SLC41A3: variants seen among roughly 807,000 people sequenced by gnomAD.
SLC41A3 encodes solute carrier family 41 member 3, also known as SLC41A1-like 2.
SLC41A3 carries 44 observed loss-of-function variants against 45.4 expected under a neutral mutation model. The ratio of observed to expected loss-of-function variants is 0.97; its 90% CI spans 0.76 to 1.25. The LOEUF (loss-of-function observed/expected upper bound fraction) is 1.25, where lower values mean the gene tolerates loss of function less well. Among genes scored for constraint, SLC41A3 ranks in the 50% most tolerant of loss-of-function variants. The pLI, the probability that SLC41A3 is intolerant of heterozygous loss-of-function variation, is 0.00. For missense variants in SLC41A3, 550 were observed against 600.6 expected, an observed-to-expected ratio of 0.92 and a Z score of 0.88; for synonymous variants, 256 against 252.4, an observed-to-expected ratio of 1.01 and a Z score of -0.13.
At chr3:126,063,028 C>T (rs1323005232) in intron 2 of SLC41A3, among the ~76,000 whole-genome samples, 4 of 152,202 alleles carry the variant, frequency 2.6e-5, no homozygotes, top group African/African-American at 9.6e-5. Context: ...CTCTCCTCCA[C>T]CCTGCACTGT....
intron 1 of SLC41A3, among the ~76,000 whole-genome samples, chr3:126,079,227 C>A (rs1005921729): frequency 7.3e-6 from 1 of 137,680 alleles, no homozygotes; most frequent in Admixed American, 7.2e-5. Context: ...CACACACACA[C>A]ACACACACAC....
At chr3:126,094,068 C>T (rs1945546360) in intron 1 of SLC41A3, among the ~76,000 whole-genome samples, 1 of 152,188 alleles carries the variant, frequency 6.6e-6, no homozygotes, top group Non-Finnish European at 1.5e-5. Flanking sequence ...CCAATTATAA[C>T]TTCTGTACCT....
chr3:126,013,357 C>T (rs1345337786), intron 8 of SLC41A3, among the ~76,000 whole-genome samples: 3 of 151,438 alleles, frequency 2.0e-5, no homozygotes, highest in Non-Finnish European at 4.4e-5. Flanking sequence ...GTCTGGAGTT[C>T]GAGACCAGCC....
chr3:126,066,800 G>A (rs73859003), intron 2 of SLC41A3, among the ~76,000 whole-genome samples: 4,978 of 152,260 alleles, frequency 0.033, 154 homozygotes, highest in East Asian at 0.15. Context: ...GAATGTGGGG[G>A]AGTTTATCTA....
chr3:126,085,319 C>A (rs1945354662), upstream of SLC41A3: 2 of 152,246 alleles, frequency 1.3e-5, no homozygotes, highest in Non-Finnish European at 2.9e-5. Context: ...TGTGGTCACT[C>A]ATATTTGGCT....
intron 1 of SLC41A3, among the ~76,000 whole-genome samples, chr3:126,083,671 T>C: frequency 6.6e-6 from 1 of 151,926 alleles, no homozygotes; most frequent in Non-Finnish European, 1.5e-5. Context: ...AGCCGTGCCC[T>C]GAGCAGGCCA....
chr3:126,021,033 T>C (rs949211189), intron 6 of SLC41A3, among the ~76,000 whole-genome samples: 9 of 152,288 alleles, frequency 5.9e-5, no homozygotes, highest in Middle Eastern at 3.4e-3. Context: ...TAGCTGGGAC[T>C]ACAGGCGCCC....
intron 4 of SLC41A3, among the ~76,000 whole-genome samples, chr3:126,027,088 A>T (rs1035585118): frequency 6.6e-6 from 1 of 152,228 alleles, no homozygotes; most frequent in Non-Finnish European, 1.5e-5. Context: ...AGAAGGACAC[A>T]GAAACAAAGA....
At chr3:126,021,185 C>A (rs970377210) in intron 6 of SLC41A3, among the ~76,000 whole-genome samples, 1 of 152,124 alleles carries the variant, frequency 6.6e-6, no homozygotes, top group South Asian at 2.1e-4. Flanking sequence ...TGAGCCACCG[C>A]GCCTGGCCTG....
intron 9 of SLC41A3, among the ~76,000 whole-genome samples, chr3:126,010,193 G>T (rs749452940): frequency 2.6e-5 from 4 of 152,218 alleles, no homozygotes; most frequent in Admixed American, 6.5e-5. Flanking sequence ...CACTCCATAG[G>T]CTAGGCGCTG....
intron 9 of SLC41A3, among the ~76,000 whole-genome samples, chr3:126,010,912 A>T (rs1438384031): frequency 6.6e-6 from 1 of 152,250 alleles, no homozygotes; most frequent in Non-Finnish European, 1.5e-5. Flanking sequence ...GCAGCAGTCC[A>T]TCCCTTCTCC....
chr3:126,071,534 T>C lies in SLC41A3; in HGVS notation c.-27-3288A>G, dbSNP rs115051556. On this transcript the variant is annotated intron_variant, in intron 1 of 10. Transcript: ENST00000360370. ...AAGAAAGAGGACTTCAACAACATTA[T>C]AAACCAATTAGATCAAACACATCTA... Among the ~76,000 whole-genome samples, 673 of 152,298 alleles carry C rather than the reference T, an allele frequency of 4.4e-3. 5 individuals carry two copies. Among genetic ancestry groups the C allele is most frequent in the African/African-American group, 0.015 (614 of 41,552 alleles).
intron 5 of SLC41A3, among the ~76,000 whole-genome samples, chr3:126,025,945 G>C (rs1221601292): frequency 6.6e-6 from 1 of 152,172 alleles, no homozygotes; most frequent in Non-Finnish European, 1.5e-5. Context: ...CCCATCACAG[G>C]CCTGTGTGTA....
intron 2 of SLC41A3, among the ~76,000 whole-genome samples, chr3:126,052,962 C>A (rs1407023987): frequency 6.6e-6 from 1 of 152,206 alleles, no homozygotes; most frequent in Non-Finnish European, 1.5e-5. Context: ...CGGAAGACGG[C>A]GGGGGAAGCT....
intron 4 of SLC41A3, among the ~76,000 whole-genome samples, chr3:126,027,637 T>G (rs1486257910): frequency 6.6e-6 from 1 of 152,114 alleles, no homozygotes; most frequent in Non-Finnish European, 1.5e-5. Context: ...TGGAGTTAGG[T>G]AACGAGCAGA....
intron 6 of SLC41A3, among the ~76,000 whole-genome samples, chr3:126,020,209 G>A (rs1399702341): frequency 6.6e-6 from 1 of 152,128 alleles, no homozygotes; most frequent in African/African-American, 2.4e-5. Flanking sequence ...TGGGATACAG[G>A]GAACAGAGTC....
chr3:126,026,849 A>G lies in SLC41A3; in HGVS notation c.454-370T>C, dbSNP rs902693567. 2.6e-5 allele frequency among the ~76,000 whole-genome samples: 4 copies of G among 152,074 alleles called. No individual in the cohort carries two copies. Among genetic ancestry groups the G allele is most frequent in the African/African-American group, 7.2e-5 (3 of 41,418 alleles). On this transcript the variant is annotated intron_variant, in intron 4 of 10. Transcript: ENST00000360370. The surrounding 1 kb of genome is among the most constrained non-coding windows in gnomAD (Gnocchi z 4.2). ...TGCAACTCCCGGCAGTGCAGACAAC[A>G]CACCTCACTTGCCATGTGGTGTACC...
intron 1 of SLC41A3, among the ~76,000 whole-genome samples, chr3:126,100,079 G>A (rs1246352667): frequency 2.0e-5 from 3 of 152,138 alleles, no homozygotes; most frequent in Non-Finnish European, 4.4e-5. Context: ...TTCCCACAAA[G>A]AACAGGGAAC....
At chr3:126,040,813 G>A (rs995762755) in intron 3 of SLC41A3, among the ~76,000 whole-genome samples, 1 of 152,188 alleles carries the variant, frequency 6.6e-6, no homozygotes, top group African/African-American at 2.4e-5. Context: ...ACAGATCTAC[G>A]AGGTAAGTGT....
Sources: allele counts gnomAD v4.1 joint callset (sites outside exome capture counted in the v4.1 genomes callset), GRCh38; gene constraint gnomAD v4.1.1; non-coding constraint Gnocchi (gnomAD v3.1); transcripts MANE v1.5; gene names NCBI Gene and HGNC (gene_info 2026-07-23, HGNC 2026-07-21).